Variants in TBC1D19 observed in about 807,000 individuals in gnomAD.
The protein encoded by TBC1D19 is TBC1 domain family, member 19.
TBC1D19 carries 60 observed loss-of-function variants against 89.0 expected under a neutral mutation model. That is an observed-to-expected ratio of 0.67 (90% CI 0.55 to 0.84). The LOEUF (loss-of-function observed/expected upper bound fraction) is 0.84. Among genes scored for constraint, TBC1D19 ranks in the 40% least tolerant of loss-of-function variants. TBC1D19 has a pLI of 0.00. For synonymous variants in TBC1D19, 189 were observed against 199.7 expected, an observed-to-expected ratio of 0.95 and a Z score of 0.45; for missense variants, 500 against 610.8, an observed-to-expected ratio of 0.82 and a Z score of 1.91.
intron 13 of TBC1D19, among the ~76,000 whole-genome samples, chr4:26,710,060 T>C (rs1436670381): frequency 2.0e-5 from 3 of 152,104 alleles, no homozygotes; most frequent in Non-Finnish European, 4.4e-5. Flanking sequence ...CTTTAAGTTT[T>C]AGGGCACATG....
chr4:26,812,546 T>C, the TBC1D19 span, among the ~76,000 whole-genome samples: 2 of 152,098 alleles, frequency 1.3e-5, no homozygotes, highest in Non-Finnish European at 2.9e-5. This position sits in a 1 kb window ranked among gnomAD's most constrained non-coding sequence, Gnocchi z 4.2. Flanking sequence ...TAGCAGTCAA[T>C]GCCACACAGG....
chr4:26,613,257 C>A lies in TBC1D19; in HGVS notation c.172+16C>A. ...AAAATATCAGGTTTGTAAGTTTTTCCTAATAACTTAAGGCAAAATAAGAAA... is the reference window on the plus strand; with the variant it reads ...AAAATATCAGGTTTGTAAGTTTTTCATAATAACTTAAGGCAAAATAAGAAA... On this transcript the variant is annotated intron_variant, in intron 2 of 20. Transcript: ENST00000264866. 2 of 1,474,810 alleles carry A rather than the reference C, an allele frequency of 1.4e-6. No individual in the cohort carries two copies. The highest frequency in any genetic ancestry group is 1.3e-5 in the South Asian group (1 of 78,718). The allele number at this position is 1,474,810 out of a possible 1,614,324, so 91.4% of individuals were successfully genotyped here.
chr4:26,711,347 A>G (rs1368006511), intron 13 of TBC1D19, among the ~76,000 whole-genome samples: 1 of 152,066 alleles, frequency 6.6e-6, no homozygotes, highest in Admixed American at 6.6e-5. Flanking sequence ...ATTCTTGAAA[A>G]TTTATCATTT....
intron 15 of TBC1D19, among the ~76,000 whole-genome samples, chr4:26,724,654 G>C (rs565702804): frequency 3.3e-5 from 5 of 152,296 alleles, no homozygotes; most frequent in African/African-American, 7.2e-5. Context: ...AGTCTTTGCA[G>C]ATTGGCTGGG....
upstream of TBC1D19, among the ~76,000 whole-genome samples, chr4:26,582,030 T>C (rs554046497): frequency 3.3e-5 from 5 of 152,242 alleles, no homozygotes; most frequent in African/African-American, 1.2e-4. Flanking sequence ...TTCGTAATTG[T>C]TGCTTTAAGC....
At chr4:26,662,288 A>C (rs1198947718) in intron 8 of TBC1D19, among the ~76,000 whole-genome samples, 2 of 152,198 alleles carry the variant, frequency 1.3e-5, no homozygotes, top group African/African-American at 2.4e-5. Context: ...TCATTAATGC[A>C]AGAAAACACT....
At chr4:26,594,530 C>T (rs1236040577) in intron 1 of TBC1D19, among the ~76,000 whole-genome samples, 1 of 152,120 alleles carries the variant, frequency 6.6e-6, no homozygotes, top group East Asian at 1.9e-4. Flanking sequence ...GTTTCTCTAG[C>T]TGTGCAGCTG....
chr4:26,695,230 TTCGA>T (rs931018890), intron 13 of TBC1D19, among the ~76,000 whole-genome samples: 47 of 152,252 alleles, frequency 3.1e-4, no homozygotes, highest in African/African-American at 9.9e-4. Flanking sequence ...CAGTAGCCAA[TTCGA>T]TCAACTGGAA....
At chr4:26,649,800 G>T (rs951822101) in intron 7 of TBC1D19, among the ~76,000 whole-genome samples, 8 of 151,798 alleles carry the variant, frequency 5.3e-5, no homozygotes, top group African/African-American at 1.9e-4. Context: ...CCATGTAGGT[G>T]TGCTGCACCC....
the TBC1D19 span, among the ~76,000 whole-genome samples, chr4:26,789,516 C>T: frequency 1.3e-5 from 2 of 152,196 alleles, no homozygotes; most frequent in African/African-American, 4.8e-5. Flanking sequence ...TATCATCTTA[C>T]ACCAGTCAGA....
At chr4:26,581,739 CTCTT>C (rs1232443714), upstream of TBC1D19, among the ~76,000 whole-genome samples, 1 of 152,142 alleles carries the variant, frequency 6.6e-6, no homozygotes, top group Non-Finnish European at 1.5e-5. Flanking sequence ...ATCATTATAA[CTCTT>C]TGTATAGCAG....
At chr4:26,834,896 G>A in the TBC1D19 span, among the ~76,000 whole-genome samples, 6 of 152,138 alleles carry the variant, frequency 3.9e-5, no homozygotes, top group South Asian at 1.2e-3. Flanking sequence ...CAGCTATCAT[G>A]CTTTCTACTC....
chr4:26,785,247 G>A, the TBC1D19 span, among the ~76,000 whole-genome samples: 1 of 152,134 alleles, frequency 6.6e-6, no homozygotes, highest in African/African-American at 2.4e-5. Context: ...GGAAAAAGTA[G>A]GGATAGCCTA....
At chr4:26,818,475 C>T in the TBC1D19 span, among the ~76,000 whole-genome samples, 747 of 152,218 alleles carry the variant, frequency 4.9e-3, 21 homozygotes, top group Admixed American at 0.045. Context: ...AAGCTGGTCT[C>T]GAACTCCTGG....
chr4:26,766,739 T>A, the TBC1D19 span, among the ~76,000 whole-genome samples: 1 of 152,234 alleles, frequency 6.6e-6, no homozygotes, highest in South Asian at 2.1e-4. Context: ...ATTTACTAAC[T>A]GTGTGACTTT....
intron 14 of TBC1D19, among the ~76,000 whole-genome samples, chr4:26,719,012 G>T (rs904802455): frequency 1.3e-5 from 2 of 151,982 alleles, no homozygotes; most frequent in Admixed American, 6.6e-5. Context: ...ATAGGTCCTT[G>T]AAGAACTAGC....
At chr4:26,746,332 G>C (rs7681685) in intron 18 of TBC1D19, among the ~76,000 whole-genome samples, 138,046 of 151,412 alleles carry the variant, frequency 0.91, 64,305 homozygotes, top group East Asian at 1. Flanking sequence ...CTCAGCCTCC[G>C]AAAGCACTGG....
chr4:26,700,811 T>C (rs1390678458), intron 13 of TBC1D19, among the ~76,000 whole-genome samples: 1 of 152,188 alleles, frequency 6.6e-6, no homozygotes, highest in African/African-American at 2.4e-5. Context: ...AAAAAGTAAA[T>C]TGGCCTTCCT....
the TBC1D19 span, among the ~76,000 whole-genome samples, chr4:26,804,228 C>T: frequency 6.6e-6 from 1 of 152,176 alleles, no homozygotes; most frequent in Non-Finnish European, 1.5e-5. Flanking sequence ...TCACTGCAAC[C>T]TCTGCCTCCC....
Sources: allele counts gnomAD v4.1 joint callset (sites outside exome capture counted in the v4.1 genomes callset), GRCh38; gene constraint gnomAD v4.1.1; non-coding constraint Gnocchi (gnomAD v3.1); transcripts MANE v1.5; gene names NCBI Gene and HGNC (gene_info 2026-07-23, HGNC 2026-07-21).